The following DHX33 variants were observed in gnomAD, a reference collection of about 807,000 sequenced individuals.
DHX33 encodes the protein ATP-dependent RNA helicase DHX33.
In DHX33, 42 loss-of-function variants were observed where a neutral mutation model predicts 72.5. The ratio of observed to expected loss-of-function variants is 0.58; its 90% CI spans 0.45 to 0.75. The LOEUF is 0.75. DHX33 is among the 30% of genes least tolerant of loss of function. The pLI is 0.00. For missense variants in DHX33, 842 were observed against 917.5 expected (o/e 0.92, Z 1.06); for synonymous variants, 358 against 366.1 (o/e 0.98, Z 0.25).
rs370424717 is a variant in DHX33, at chr17:5,455,945, G to T, written c.1035+52C>A. 5 of 1,558,478 alleles carry T rather than the reference G, an allele frequency of 3.2e-6. No homozygotes were observed. In the African/African-American group the frequency reaches 4.1e-5, roughly 13 times the overall value. ...GTAACAGGTACAGACCTCGCTGGTG[G>T]ATCCGTCTGGGTGCCCAGAATAGGG... On this transcript the variant is annotated intron_variant, in intron 5 of 11. Coordinates refer to ENST00000225296, the MANE Select transcript of DHX33 (RefSeq NM_020162.4).
chr17:5,466,312 G>A (rs976096487), intron 1 of DHX33, among the ~76,000 whole-genome samples: 4 of 152,226 alleles, frequency 2.6e-5, no homozygotes, highest in Non-Finnish European at 4.4e-5. Flanking sequence ...CACACTGAAA[G>A]TAGGCTGGGC....
chr17:5,456,673 C>G (rs1904338286), intron 4 of DHX33, among the ~76,000 whole-genome samples: 1 of 152,188 alleles, frequency 6.6e-6, no homozygotes, highest in African/African-American at 2.4e-5. Flanking sequence ...GGGAAATCAT[C>G]AGATTGATTT....
chr17:5,468,836 CG>C lies in DHX33; in HGVS notation c.23del (p.Pro8ArgfsTer26). 1 of 1,563,356 alleles carries C rather than the reference CG, an allele frequency of 6.4e-7. No homozygotes were observed. The highest frequency in any genetic ancestry group is 2.4e-5 in the East Asian group (1 of 42,012). On this transcript the variant is annotated frameshift_variant, in exon 1 of 12. Transcript: ENST00000225296. LOFTEE classifies it high-confidence loss of function. ...AGCCTGGCCGGAATCTCTTGGCCGGCGGGAAGCCCGCCTCCTCCGGCATGTC... is the reference window on the plus strand; with the variant it reads ...AGCCTGGCCGGAATCTCTTGGCCGGCGGAAGCCCGCCTCCTCCGGCATGTC... The part of the protein sequence containing the change: MPEEAGF[P>X]PAKRFRPGSG...
At chr17:5,466,802 A>C (rs1161725166) in intron 1 of DHX33, among the ~76,000 whole-genome samples, 1 of 152,242 alleles carries the variant, frequency 6.6e-6, no homozygotes, top group Non-Finnish European at 1.5e-5. Flanking sequence ...TACACCTAGC[A>C]CATAATTAAA....
chr17:5,462,242 G>A, intron 3 of DHX33, 77 bp downstream of exon 3: 2 of 1,409,982 alleles, frequency 1.4e-6, no homozygotes, highest in East Asian at 4.7e-5. Context: ...GCCCAGCCAG[G>A]CCTGTTTCCT....
At chr17:5,465,614 G>A (rs903022058) in intron 1 of DHX33, among the ~76,000 whole-genome samples, 2 of 152,198 alleles carry the variant, frequency 1.3e-5, no homozygotes, top group African/African-American at 4.8e-5. Context: ...CAAAGGAAAT[G>A]CTCCTTGGAG....
At chr17:5,461,936 CTTTTTTT>C (rs35332211) in intron 3 of DHX33, among the ~76,000 whole-genome samples, 4 of 113,680 alleles carry the variant, frequency 3.5e-5, no homozygotes, top group African/African-American at 1.5e-4. Context: ...TGAACTTTCA[CTTTTTTT>C]TTTTTTTTTT....
chr17:5,447,409 C>A (rs888769108), intron 11 of DHX33, among the ~76,000 whole-genome samples: 1 of 152,024 alleles, frequency 6.6e-6, no homozygotes, highest in Non-Finnish European at 1.5e-5. Context: ...AATCCCAGCA[C>A]TTTGGGAGGC....
intron 8 of DHX33, among the ~76,000 whole-genome samples, chr17:5,451,184 CAG>C (rs1355154044): frequency 6.6e-6 from 1 of 152,206 alleles, no homozygotes; most frequent in Non-Finnish European, 1.5e-5. Context: ...CGGCTCATTG[CAG>C]CCTCTGCCTC....
intron 4 of DHX33, among the ~76,000 whole-genome samples, chr17:5,456,891 C>T (rs1446029528): frequency 6.6e-6 from 1 of 152,166 alleles, no homozygotes; most frequent in South Asian, 2.1e-4. Context: ...CGCTTTCACA[C>T]GCCCCAAAAC....
intron 1 of DHX33, among the ~76,000 whole-genome samples, chr17:5,465,341 T>C (rs939425662): frequency 3.3e-5 from 5 of 152,220 alleles, no homozygotes; most frequent in African/African-American, 1.2e-4. Context: ...GATTTGATTA[T>C]TCTGCAATCT....
chr17:5,462,418 C>G lies in DHX33; in HGVS notation c.579G>C (p.Leu193Phe). The change falls in exon 3 of 12, where the codon TTG becomes TTC. Residue 193 changes from leucine (L) to phenylalanine (F), a missense_variant. Physicochemically the swap from Leu to Phe is conservative, Grantham distance 22 (BLOSUM62 0). Transcript: ENST00000225296. ...SLLRKYSCVI[L>F]DEAHERTIHT... The stretch of plus-strand genomic sequence containing the variant: ...GGATAGTCCGTTCGTGAGCTTCATC[C>G]AAAATGACACAGCTGTATTTCCGAA... The G allele has an allele frequency of 1.2e-6, 2 of 1,614,210 alleles. No individual in the cohort carries two copies. The highest frequency in any genetic ancestry group is 1.1e-5 in the South Asian group (1 of 91,078).
At chr17:5,461,606 C>A (rs1465690803) in intron 3 of DHX33, among the ~76,000 whole-genome samples, 8 of 137,394 alleles carry the variant, frequency 5.8e-5, no homozygotes, top group Admixed American at 7.5e-5. Context: ...TAACAGAGTG[C>A]AAAAAAAAAA....
At chr17:5,460,754 G>A (rs1422512020) in intron 4 of DHX33, among the ~76,000 whole-genome samples, 185 bp downstream of exon 4, 2 of 152,074 alleles carry the variant, frequency 1.3e-5, no homozygotes, top group African/African-American at 4.8e-5. Flanking sequence ...TGATCCACCT[G>A]CCTCGGCCTC....
chr17:5,461,572 C>T (rs1017608580), intron 3 of DHX33, among the ~76,000 whole-genome samples: 3 of 149,924 alleles, frequency 2.0e-5, no homozygotes, highest in African/African-American at 7.4e-5. Context: ...GAGCTGAGAT[C>T]GCGTCACCAC....
At chr17:5,468,511 A>T (rs1347832185) in intron 1 of DHX33, 60 bp downstream of exon 1, 1 of 1,550,262 alleles carries the variant, frequency 6.5e-7, no homozygotes. Flanking sequence ...TGTAAGAAAA[A>T]CTGCTCTAGC....
chr17:5,451,939 A>G (rs1214705772), intron 8 of DHX33, among the ~76,000 whole-genome samples: 2 of 152,240 alleles, frequency 1.3e-5, no homozygotes, highest in African/African-American at 4.8e-5. Flanking sequence ...CTTACTCAAG[A>G]ATAACTAACA....
chr17:5,450,700 G>A, intron 9 of DHX33, 107 bp downstream of exon 9: 1 of 1,493,296 alleles, frequency 6.7e-7, no homozygotes, highest in Non-Finnish European at 9.1e-7. Flanking sequence ...TGGTAATTAT[G>A]TAAGAGAAAA....
rs539895149 is a variant in DHX33, at chr17:5,456,185, G to A, written c.850-3C>T. 15 of 1,612,878 alleles carry A rather than the reference G, an allele frequency of 9.3e-6. No individual in the cohort carries two copies. Among genetic ancestry groups the A allele is most frequent in the Middle Eastern group, 1.7e-4 (1 of 6,036 alleles). Reference sequence around the variant, plus strand: ...ATGTCCTGTGAAGAAGGGGCTTCCTGTAAAAAAAGTAGAGTGGGTTTACTA... The same window carrying A: ...ATGTCCTGTGAAGAAGGGGCTTCCTATAAAAAAAGTAGAGTGGGTTTACTA... On this transcript the variant is annotated splice_region_variant and splice_polypyrimidine_tract_variant and intron_variant, in intron 4 of 11. Coordinates refer to ENST00000225296, the MANE Select transcript of DHX33 (RefSeq NM_020162.4).
Sources: gnomAD v4.1 joint callset for allele counts (sites outside exome capture counted in the v4.1 genomes callset) on GRCh38, gnomAD v4.1.1 for gene constraint, MANE v1.5 for transcripts, NCBI Gene and HGNC (gene_info 2026-07-23, HGNC 2026-07-21) for gene names.